Variants in ING5 observed in about 807,000 individuals in gnomAD.
ING5 encodes the protein inhibitor of growth family member 5.
Under a neutral mutation model 37.4 loss-of-function variants are expected in ING5, and 17 were observed. That is an observed-to-expected ratio of 0.45 (90% CI 0.31 to 0.68). The LOEUF (loss-of-function observed/expected upper bound fraction) is 0.68. Ranked by LOEUF, ING5 falls within the 30% of genes least tolerant of loss-of-function variation. The probability of loss-of-function intolerance (pLI) is 0.05; values close to 1 mark genes in which losing one functional copy is unlikely to be tolerated. For missense variants in ING5, 233 were observed against 311.9 expected, an observed-to-expected ratio of 0.75 and a Z score of 1.91; for synonymous variants, 123 against 116.6, an observed-to-expected ratio of 1.06 and a Z score of -0.36.
Position 241,702,112 on chromosome 2 carries a change from C to A in ING5, c.37+10C>A. On this transcript the variant is annotated intron_variant, in intron 1 of 7. Coordinates refer to ENST00000313552, the MANE Select transcript of ING5 (RefSeq NM_032329.6). ...GAGCACTATCTGGACAGTAAGCGCG[C>A]CCCACGGGCCCCGCGCCCGCCGCCC... 1 of 1,318,340 alleles carries A rather than the reference C, an allele frequency of 7.6e-7. No individual in the cohort carries two copies. The highest frequency in any genetic ancestry group is 9.7e-7 in the Non-Finnish European group (1 of 1,027,710). The allele number at this position is 1,318,340 out of a possible 1,614,324, so 81.7% of individuals were successfully genotyped here. A position where few individuals can be genotyped will look rare whatever the true frequency, so the allele number is the denominator to read the frequency against.
chr2:241,703,364 G>C (rs1425442540), intron 1 of ING5, among the ~76,000 whole-genome samples: 1 of 152,136 alleles, frequency 6.6e-6, no homozygotes, highest in Admixed American at 6.6e-5. Context: ...GGAGGAGGCA[G>C]CCCCCCTTAG....
At chr2:241,690,492 C>T in exon 2 of ING5, 5 of 396,640 alleles carry the variant, frequency 1.3e-5, no homozygotes, top group African/African-American at 2.1e-5. Flanking sequence ...CACACCCCAG[C>T]CTGCTGACCT....
intron 5 of ING5, among the ~76,000 whole-genome samples, chr2:241,714,689 C>T (rs2070215145): frequency 6.6e-6 from 1 of 152,022 alleles, no homozygotes; most frequent in African/African-American, 2.4e-5. Flanking sequence ...CCTCCACCTC[C>T]CTGTCCCCAG....
intron 5 of ING5, chr2:241,720,014 C>T: frequency 8.0e-7 from 1 of 1,245,718 alleles, no homozygotes; most frequent in Admixed American, 4.0e-5. Flanking sequence ...GACGTCGAGA[C>T]AGGCTGGTAA....
At chr2:241,703,820 G>T (rs1186882213) in intron 1 of ING5, among the ~76,000 whole-genome samples, 1 of 152,092 alleles carries the variant, frequency 6.6e-6, no homozygotes, top group Non-Finnish European at 1.5e-5. Context: ...TGGCCAGGCT[G>T]GTCTTGAACT....
At chr2:241,706,072 C>T (rs1271942789) in intron 2 of ING5, among the ~76,000 whole-genome samples, 2 of 152,062 alleles carry the variant, frequency 1.3e-5, no homozygotes, top group Non-Finnish European at 2.9e-5. Context: ...TGGGCTTTTC[C>T]TTGTGGTCTG....
chr2:241,711,338 G>A (rs1428595659), intron 3 of ING5, 39 bp from the exon 4 acceptor site: 4 of 1,408,902 alleles, frequency 2.8e-6, no homozygotes, highest in Non-Finnish European at 3.8e-6. Flanking sequence ...AGGTGTTTTG[G>A]TTTTACTTTA....
intron 1 of ING5, among the ~76,000 whole-genome samples, chr2:241,702,346 C>CG (rs891161326): frequency 6.8e-6 from 1 of 146,212 alleles, no homozygotes; most frequent in Non-Finnish European, 1.5e-5. Context: ...CACGGCGGGG[C>CG]GGGGCCTGGC....
intron 1 of ING5, among the ~76,000 whole-genome samples, chr2:241,689,122 T>C (rs1031699986): frequency 2.6e-5 from 4 of 151,504 alleles, no homozygotes; most frequent in Non-Finnish European, 5.9e-5. Context: ...TAATTTAATT[T>C]TTTTTTTGAG....
At chr2:241,704,953 A>G (rs952602636) in intron 2 of ING5, among the ~76,000 whole-genome samples, 7 of 152,156 alleles carry the variant, frequency 4.6e-5, no homozygotes, top group Admixed American at 4.6e-4. Context: ...TATAACCATC[A>G]CCCTTTCCAA....
rs781459137 is a variant in ING5, at chr2:241,720,656, C to T, written c.483-2283C>T. 2.4e-3 allele frequency: 2,375 copies of T among 985,644 alleles called. 6 individuals carry two copies. Among genetic ancestry groups the T allele is most frequent in the Non-Finnish European group, 2.7e-3 (2,200 of 830,098 alleles). The allele number at this position is 985,644 out of a possible 1,614,324, so 61.1% of individuals were successfully genotyped here. A position where few individuals can be genotyped will look rare whatever the true frequency, so the allele number is the denominator to read the frequency against. On this transcript the variant is annotated intron_variant, in intron 5 of 7. Transcript: ENST00000313552. ...TGGAGTGCTGGGAAGCCATCGGGGC[C>T]GGGCGCGGAAGGGCTCGCTGGCACC... is the stretch of plus-strand genomic sequence containing the variant.
chr2:241,693,841 G>T (rs1329493873), intron 2 of ING5, among the ~76,000 whole-genome samples: 2 of 151,104 alleles, frequency 1.3e-5, no homozygotes, highest in Admixed American at 6.6e-5. Flanking sequence ...ATTTTTAGTA[G>T]AGACGGGGTG....
At chr2:241,719,666 G>C (rs1176752128) in intron 5 of ING5, 1 of 1,534,146 alleles carries the variant, frequency 6.5e-7, no homozygotes, top group Non-Finnish European at 8.7e-7. Context: ...GGGTGAAGGA[G>C]ACTCCAGCTC....
chr2:241,698,153 T>C (rs1175730584), upstream of ING5, among the ~76,000 whole-genome samples: 1 of 89,836 alleles, frequency 1.1e-5, no homozygotes, highest in Non-Finnish European at 2.3e-5. Context: ...TGGTTAATAA[T>C]AATGTATCGG....
chr2:241,720,150 G>A, intron 5 of ING5: 1 of 1,237,086 alleles, frequency 8.1e-7, no homozygotes, highest in Non-Finnish European at 1.0e-6. Context: ...CCAAAGCCTG[G>A]CCTGCCGGGG....
upstream of ING5, among the ~76,000 whole-genome samples, chr2:241,697,049 T>C (rs953099844): frequency 2.0e-5 from 3 of 151,964 alleles, no homozygotes; most frequent in Non-Finnish European, 4.4e-5. Flanking sequence ...GCCACGGCAC[T>C]CCAGCTTGGG....
chr2:241,692,068 AAAAG>A (rs1339433604), intron 2 of ING5, among the ~76,000 whole-genome samples: 3 of 152,034 alleles, frequency 2.0e-5, no homozygotes, highest in Non-Finnish European at 2.9e-5. Flanking sequence ...AAAATATAAA[AAAAG>A]AAAACCGTCA....
intron 3 of ING5, among the ~76,000 whole-genome samples, 178 bp downstream of exon 3, chr2:241,709,560 T>G (rs1353429725): frequency 4.7e-5 from 7 of 148,968 alleles, no homozygotes; most frequent in Admixed American, 1.4e-4. Context: ...TCCCTGTTTT[T>G]TTTTTTTTTT....
chr2:241,703,745 G>A (rs1464267541), intron 1 of ING5, among the ~76,000 whole-genome samples: 2 of 151,992 alleles, frequency 1.3e-5, no homozygotes, highest in Non-Finnish European at 2.9e-5. Context: ...AGCTGGGACT[G>A]TAGCTGTGCA....
Sources: gnomAD v4.1 joint callset for allele counts (sites outside exome capture counted in the v4.1 genomes callset) on GRCh38, gnomAD v4.1.1 for gene constraint, MANE v1.5 for transcripts, NCBI Gene and HGNC (gene_info 2026-07-23, HGNC 2026-07-21) for gene names.